AP5M1: variants seen among roughly 807,000 people sequenced by gnomAD.
AP5M1 encodes the protein AP-5 complex subunit mu-1.
Under a neutral mutation model 52.3 loss-of-function variants are expected in AP5M1, and 44 were observed. The ratio of observed to expected loss-of-function variants is 0.84; its 90% CI spans 0.66 to 1.08. The LOEUF is 1.08. AP5M1 is among the 50% of genes least tolerant of loss of function. The pLI, the probability that AP5M1 is intolerant of heterozygous loss-of-function variation, is 0.00. For synonymous variants in AP5M1, 213 were observed against 199.0 expected, an observed-to-expected ratio of 1.07 and a Z score of -0.59; for missense variants, 526 against 568.4, an observed-to-expected ratio of 0.93 and a Z score of 0.76.
intron 2 of AP5M1, chr14:57,275,420 GGA>G (rs149255326): frequency 8.2e-5 from 12 of 146,546 alleles, no homozygotes; most frequent in Non-Finnish European, 1.2e-4. Flanking sequence ...GAGAGAGAGA[GGA>G]GAGAGAGAGA....
chr14:57,272,651 A>G (rs879444755), intron 1 of AP5M1, among the ~76,000 whole-genome samples: 1 of 152,232 alleles, frequency 6.6e-6, no homozygotes, highest in Non-Finnish European at 1.5e-5. Flanking sequence ...TGAAATTTTT[A>G]TACTTAAGAA....
chr14:57,284,961 T>A (rs1885272673), intron 6 of AP5M1, among the ~76,000 whole-genome samples: 1 of 151,940 alleles, frequency 6.6e-6, no homozygotes, highest in Non-Finnish European at 1.5e-5. Flanking sequence ...AAGGCTCAGC[T>A]GTATACAGGA....
At chr14:57,278,254 CTCTAGCCGTAGCCTT>C (rs1299463738) in intron 2 of AP5M1, among the ~76,000 whole-genome samples, 1 of 152,168 alleles carries the variant, frequency 6.6e-6, no homozygotes, top group Non-Finnish European at 1.5e-5. Context: ...GTCTTTGATC[CTCTAGCCGTAGCCTT>C]TCGGAAACAG....
At chr14:57,288,732 A>G (rs1885367923) in intron 7 of AP5M1, 70 bp from the exon 8 acceptor site, 1 of 932,102 alleles carries the variant, frequency 1.1e-6, no homozygotes, top group Non-Finnish European at 1.7e-6. Context: ...AATTTCAAAA[A>G]TCATGACTTT....
At chr14:57,278,866 G>A (rs1457106265) in intron 2 of AP5M1, among the ~76,000 whole-genome samples, 2 of 152,050 alleles carry the variant, frequency 1.3e-5, no homozygotes, top group African/African-American at 4.8e-5. Flanking sequence ...TTAAAAAGTG[G>A]GCAAAAGGCA....
intron 2 of AP5M1, among the ~76,000 whole-genome samples, chr14:57,279,914 T>C (rs1453845201): frequency 6.6e-6 from 1 of 152,144 alleles, no homozygotes; most frequent in Non-Finnish European, 1.5e-5. Flanking sequence ...TAAGGGCCCA[T>C]GTCAATGTGT....
intron 2 of AP5M1, among the ~76,000 whole-genome samples, chr14:57,276,780 A>G (rs1885049748): frequency 6.6e-6 from 1 of 152,198 alleles, no homozygotes; most frequent in Non-Finnish European, 1.5e-5. Context: ...ACAGATTATC[A>G]TGATGGACAA....
At chr14:57,275,178 C>T (rs1042636356) in intron 2 of AP5M1, 2 of 402,212 alleles carry the variant, frequency 5.0e-6, no homozygotes, top group Admixed American at 4.1e-5. Context: ...TAGAATCACT[C>T]ATGAAGTTGC....
chr14:57,274,221 A>G, intron 1 of AP5M1, 23 bp from the exon 2 acceptor site: 1 of 1,550,318 alleles, frequency 6.5e-7, no homozygotes, highest in Non-Finnish European at 8.7e-7. Context: ...ATCATTTATA[A>G]TGTTTCTGTT....
intron 7 of AP5M1, among the ~76,000 whole-genome samples, chr14:57,286,879 C>CAAATGTTGCAATCA (rs1227485892): frequency 6.6e-6 from 1 of 151,934 alleles, no homozygotes; most frequent in Non-Finnish European, 1.5e-5. Context: ...AATCAATAAG[C>CAAATGTTGCAATCA]ATTATTTAGC....
intron 7 of AP5M1, among the ~76,000 whole-genome samples, chr14:57,287,034 A>G (rs1036400675): frequency 6.6e-6 from 1 of 151,802 alleles, no homozygotes; most frequent in Non-Finnish European, 1.5e-5. Context: ...CACGAAACAT[A>G]TGAAAATATG....
chr14:57,289,130 T>C lies in AP5M1; in HGVS notation c.*246T>C, dbSNP rs1044537668. The C allele has an allele frequency of 7.5e-6, 2 of 265,836 alleles. No individual in the cohort carries two copies. Among genetic ancestry groups the C allele is most frequent in the Non-Finnish European group, 1.4e-5 (2 of 141,098 alleles). 16.5% of individuals were successfully genotyped at this position (265,836 alleles called of 1,614,324 possible). A position where few individuals can be genotyped will look rare whatever the true frequency, so the allele number is the denominator to read the frequency against. ...AATTCAGAACATAGAAAAGTAATGA[T>C]TCACTTGGGCTCATTTTAGACTGGT... On this transcript the variant is annotated 3_prime_UTR_variant, in exon 8 of 8. Coordinates refer to ENST00000261558, the MANE Select transcript of AP5M1 (RefSeq NM_018229.4).
At chr14:57,286,155 G>C in intron 6 of AP5M1, 68 bp from the exon 7 acceptor site, 1 of 1,095,746 alleles carries the variant, frequency 9.1e-7, no homozygotes, top group East Asian at 2.4e-5. Context: ...TGGGTTAAGG[G>C]AAAAAATGTA....
In AP5M1 at chr14:57,283,029, TTTTA is replaced by T. The variant is rs758551295; in HGVS notation, c.1174+17_1174+20del. 1.3e-6 allele frequency: 2 copies of T among 1,584,684 alleles called. No individual in the cohort carries two copies. The highest frequency in any genetic ancestry group is 1.2e-5 in the South Asian group (1 of 86,266). On this transcript the variant is annotated intron_variant, in intron 5 of 7. Transcript: ENST00000261558. ...TTGATCTGGATTATTGGTGAGCAAG[TTTTA>T]TTTATTGATTTTTTTTCTTTTCATT...
chr14:57,278,528 A>G (rs1885093103), intron 2 of AP5M1: 1 of 152,210 alleles, frequency 6.6e-6, no homozygotes, highest in African/African-American at 2.4e-5. Flanking sequence ...TCCCTTGTGA[A>G]TCTCTCATGA....
At chr14:57,285,673 A>G (rs1343866426) in intron 6 of AP5M1, among the ~76,000 whole-genome samples, 1 of 152,188 alleles carries the variant, frequency 6.6e-6, no homozygotes, top group Non-Finnish European at 1.5e-5. Flanking sequence ...ACACAAGATA[A>G]ACTGATGTTT....
Position 57,274,896 on chromosome 14 carries a change from T to A in AP5M1, c.720+7T>A. The A allele has an allele frequency of 6.2e-7, 1 of 1,614,048 alleles. No homozygotes were observed. The highest frequency in any genetic ancestry group is 8.5e-7 in the Non-Finnish European group (1 of 1,179,954). ...TGGAACAGTGACTTGCAAGGTGAGA[T>A]TTTTCTCTGGTACTTGCTTTATCGT... On this transcript the variant is annotated splice_region_variant and intron_variant, in intron 2 of 7. Transcript: ENST00000261558.
At position 57,298,436 on chromosome 14, in the gene AP5M1, ATTAC is replaced by A. The variant is rs954077173; in HGVS notation, c.*9556_*9559del. ...TTACAAACTGGGTGGTCCTGGATAAATTACTTAACCTCTGTGGTCTTCAGTTTCC... is the reference window on the plus strand; with the variant it reads ...TTACAAACTGGGTGGTCCTGGATAAATTAACCTCTGTGGTCTTCAGTTTCC... On this transcript the variant is annotated 3_prime_UTR_variant, in exon 8 of 8. Coordinates refer to ENST00000261558, the MANE Select transcript of AP5M1 (RefSeq NM_018229.4). The A allele has an allele frequency of 6.6e-6, 1 of 152,194 alleles. No individual in the cohort carries two copies. Among genetic ancestry groups the A allele is most frequent in the Non-Finnish European group, 1.5e-5 (1 of 68,046 alleles). 9.4% of individuals were successfully genotyped at this position (152,194 alleles called of 1,614,324 possible).
rs1343066085 is a variant in AP5M1, at chr14:57,298,331, C to G, written c.*9447C>G. On this transcript the variant is annotated 3_prime_UTR_variant, in exon 8 of 8. Coordinates refer to ENST00000261558, the MANE Select transcript of AP5M1 (RefSeq NM_018229.4). ...GATTATTTAGAACATTTCCATTAAC[C>G]ATAAAGGCAAAGTGGTATAGAGAAA... 1 of 152,090 alleles carries G rather than the reference C, an allele frequency of 6.6e-6. No homozygotes were observed. Among genetic ancestry groups the G allele is most frequent in the East Asian group, 1.9e-4 (1 of 5,192 alleles). The allele number at this position is 152,090 out of a possible 1,614,324, so 9.4% of individuals were successfully genotyped here. A position where few individuals can be genotyped will look rare whatever the true frequency, so the allele number is the denominator to read the frequency against.
Sources: gnomAD v4.1 joint callset for allele counts (sites outside exome capture counted in the v4.1 genomes callset) on GRCh38, gnomAD v4.1.1 for gene constraint, MANE v1.5 for transcripts, NCBI Gene and HGNC (gene_info 2026-07-23, HGNC 2026-07-21) for gene names.